Variants in RNF123 observed in about 807,000 individuals in gnomAD.
RNF123 encodes E3 ubiquitin-protein ligase RNF123.
A neutral mutation model predicts 168.5 loss-of-function variants in RNF123; 86 were observed. The observed-to-expected ratio is 0.51, with a 90% CI of 0.43 to 0.61. The LOEUF is 0.61. RNF123 is among the 20% of genes least tolerant of loss of function. The pLI is 0.00. For missense variants in RNF123, 1,419 were observed against 1,729.7 expected (o/e 0.82, Z 3.19); for synonymous variants, 666 against 689.1 (o/e 0.97, Z 0.52).
chr3:49,697,522 T>A, intron 5 of RNF123, 65 bp downstream of exon 5: 1 of 1,298,852 alleles, frequency 7.7e-7, no homozygotes, highest in Non-Finnish European at 1.1e-6. Context: ...AGGCTCCTCC[T>A]GATGTGGCCC....
chr3:49,693,641 G>A (rs1011684187), intron 3 of RNF123, among the ~76,000 whole-genome samples: 1 of 152,122 alleles, frequency 6.6e-6, no homozygotes, highest in African/African-American at 2.4e-5. Flanking sequence ...ACAGGCATGA[G>A]CCACCGCACC....
intron 21 of RNF123, among the ~76,000 whole-genome samples, chr3:49,704,298 G>A (rs1485056482): frequency 6.6e-6 from 1 of 152,182 alleles, no homozygotes; most frequent in South Asian, 2.1e-4. Context: ...GTCAGAGAGT[G>A]GGGGAGGCCC....
chr3:49,696,944 C>G (rs78115322), intron 3 of RNF123, 199 bp from the exon 4 acceptor site: 1 of 569,136 alleles, frequency 1.8e-6, no homozygotes, highest in Non-Finnish European at 3.3e-6. Flanking sequence ...CCACACCCGG[C>G]CTGGACTGGT....
In RNF123 at chr3:49,706,780, T is replaced by C. The variant is rs753684913; in HGVS notation, c.2389-11T>C. The C allele has an allele frequency of 3.7e-6, 6 of 1,612,108 alleles. No individual in the cohort carries two copies. In the South Asian group the frequency reaches 6.6e-5, roughly 18 times the overall value. On this transcript the variant is annotated splice_polypyrimidine_tract_variant and intron_variant, in intron 25 of 38. Coordinates refer to ENST00000327697, the MANE Select transcript of RNF123 (RefSeq NM_022064.5). ...ATGTCTTGATTGTCCTCCTTTCCCC[T>C]TGGGTGGCAGAGGAAGGACATCCTT...
In RNF123 at chr3:49,713,917, G is replaced by A. The variant is rs368723431; in HGVS notation, c.2845G>A (p.Ala949Thr). Residue 949 changes from alanine (A) to threonine (T), a missense_variant, in exon 30 of 39, where the codon GCC (alanine) becomes ACC (threonine). Physicochemically the swap from Ala to Thr is moderately conservative, Grantham distance 58. Around this residue, in one of 5 missense-constraint regions of RNF123, gnomAD observed 538 missense variants for 708.8 expected, o/e 0.76. Coordinates refer to ENST00000327697, the MANE Select transcript of RNF123 (RefSeq NM_022064.5). ...CCCTCCTTGCCCTCACAGGCGTATC[G>A]CCATGGTGAGGAACCTCCTGGCGCC... ...VERIPEEQRI[A>T]MVRNLLAPYE... 1.9e-5 allele frequency: 30 copies of A among 1,613,772 alleles called. 1 individual carries two copies. The East Asian group carries it at 2.7e-4, about 14-fold the overall frequency.
intron 35 of RNF123, chr3:49,717,327 G>T (rs2080268080): frequency 6.3e-6 from 1 of 158,022 alleles, no homozygotes; most frequent in African/African-American, 2.4e-5. Context: ...TCTGCGTGAA[G>T]TTGTGAAGCT....
intron 26 of RNF123, among the ~76,000 whole-genome samples, chr3:49,710,204 C>G (rs1559683021): frequency 6.6e-6 from 1 of 152,082 alleles, no homozygotes; most frequent in Non-Finnish European, 1.5e-5. Context: ...CTGCATTTTG[C>G]TAATGATTAG....
intron 24 of RNF123, 106 bp from the exon 25 acceptor site, chr3:49,705,876 G>A: frequency 6.8e-7 from 1 of 1,466,928 alleles, no homozygotes; most frequent in Non-Finnish European, 9.5e-7. Context: ...GACCGCCCTG[G>A]GCCTAAGGTT....
At chr3:49,714,040 G>A in intron 30 of RNF123, 43 bp downstream of exon 30, 1 of 1,613,800 alleles carries the variant, frequency 6.2e-7, no homozygotes, top group Non-Finnish European at 8.5e-7. Flanking sequence ...TGGCTGGAGG[G>A]AGAGGGTGCG....
At chr3:49,705,491 CG>C (rs759005987) in intron 23 of RNF123, 42 bp from the exon 24 acceptor site, 1 of 1,538,390 alleles carries the variant, frequency 6.5e-7, no homozygotes, top group South Asian at 1.3e-5. Context: ...TCAGGAGAGC[CG>C]GGATGGCCCT....
In RNF123 at chr3:49,699,713, G is replaced by C. The variant is rs2054339026; in HGVS notation, c.925G>C (p.Gly309Arg). Residue 309 changes from glycine (G) to arginine (R), a missense_variant, in exon 12 of 39, where the codon GGC becomes CGC. Gly to Arg is a moderately radical substitution (Grantham distance 125, BLOSUM62 -2). This residue lies in a region of RNF123 where 318 missense variants were observed against 446.6 expected (regional missense o/e 0.71). Coordinates refer to ENST00000327697, the MANE Select transcript of RNF123 (RefSeq NM_022064.5). This position sits in a 1 kb window ranked among gnomAD's most constrained non-coding sequence, Gnocchi z 4.8. ...DKESSKWRLR[G>R]QPTVLLTLAH... Reference sequence around the variant, plus strand: ...GGAGAGCTCCAAGTGGCGGTTGCGGGGCCAGCCCACCGTCCTCCTCACACT... The same window carrying C: ...GGAGAGCTCCAAGTGGCGGTTGCGGCGCCAGCCCACCGTCCTCCTCACACT... 3 of 1,613,708 alleles carry C rather than the reference G, an allele frequency of 1.9e-6. No homozygotes were observed. The highest frequency in any genetic ancestry group is 2.5e-6 in the Non-Finnish European group (3 of 1,179,998).
intron 36 of RNF123, 24 bp downstream of exon 36, chr3:49,720,677 C>A: frequency 6.3e-7 from 1 of 1,595,162 alleles, no homozygotes; most frequent in South Asian, 1.1e-5. Flanking sequence ...TGGGGCAGGT[C>A]AGGGAAATCT....
At position 49,698,740 on chromosome 3, in the gene RNF123, C is replaced by G; in HGVS notation, c.571-15C>G. 1 of 1,612,580 alleles carries G rather than the reference C, an allele frequency of 6.2e-7. No homozygotes were observed. The highest frequency in any genetic ancestry group is 8.5e-7 in the Non-Finnish European group (1 of 1,179,370). On this transcript the variant is annotated splice_polypyrimidine_tract_variant and intron_variant, in intron 8 of 38. Transcript: ENST00000327697. ...TGGGCTTCTGTGCATCTGGTGAGGC[C>G]TCCTCTCATGGCAGGCGTGGGCAGC...
At chr3:49,705,831 G>C in intron 24 of RNF123, 151 bp from the exon 25 acceptor site, 2 of 1,436,172 alleles carry the variant, frequency 1.4e-6, no homozygotes, top group East Asian at 4.7e-5. Context: ...TGCTCCTGCT[G>C]CCTCAGTCTG....
chr3:49,703,271 C>T (rs575682731), intron 20 of RNF123, among the ~76,000 whole-genome samples, 156 bp from the exon 21 acceptor site: 117 of 152,194 alleles, frequency 7.7e-4, no homozygotes, highest in African/African-American at 2.7e-3. Context: ...AGGTCTGTTT[C>T]TTGGTCCAGG....
chr3:49,718,922 C>G (rs772901832), intron 35 of RNF123: 7 of 1,613,542 alleles, frequency 4.3e-6, no homozygotes, highest in Non-Finnish European at 4.2e-6. Context: ...AGGTGGGTGG[C>G]GCTCAGACCG....
chr3:49,699,939 A>G lies in RNF123; in HGVS notation c.984+167A>G. On this transcript the variant is annotated intron_variant, in intron 12 of 38. Coordinates refer to ENST00000327697, the MANE Select transcript of RNF123 (RefSeq NM_022064.5). This position sits in a 1 kb window ranked among gnomAD's most constrained non-coding sequence, Gnocchi z 4.8. Reference sequence around the variant, plus strand: ...CAGACCTCAGTCAGTCCCCTAGGGAAACAGGGACATTGCCAACCAAGGGCA... The same window carrying G: ...CAGACCTCAGTCAGTCCCCTAGGGAGACAGGGACATTGCCAACCAAGGGCA... 2.8e-6 allele frequency: 2 copies of G among 723,200 alleles called. No individual in the cohort carries two copies. The highest frequency in any genetic ancestry group is 1.7e-5 in the South Asian group (1 of 57,168). The allele number at this position is 723,200 out of a possible 1,614,324, so 44.8% of individuals were successfully genotyped here. A position where few individuals can be genotyped will look rare whatever the true frequency, so the allele number is the denominator to read the frequency against.
chr3:49,715,449 C>G (rs1296718986), intron 31 of RNF123, 126 bp from the exon 32 acceptor site: 17 of 1,168,840 alleles, frequency 1.5e-5, no homozygotes, highest in Non-Finnish European at 2.0e-5. Flanking sequence ...CTTTCATGAC[C>G]TGAGCATTCC....
rs766712085 is a variant in RNF123, at chr3:49,703,475, T to C, written c.1799T>C (p.Phe600Ser). The change falls in exon 21 of 39, where the codon TTT (phenylalanine) becomes TCT (serine). Residue 600 changes from phenylalanine (F) to serine (S), a missense_variant. Around this residue, in one of 5 missense-constraint regions of RNF123, gnomAD observed 349 missense variants for 344.9 expected, o/e 1.01. Coordinates refer to ENST00000327697, the MANE Select transcript of RNF123 (RefSeq NM_022064.5). ...TTCTATAATGGCAAGGTGGACTACT[T>C]TGACCTGCAGCGCCTGGGGGGCCTC... ...QVFYNGKVDY[F>S]DLQRLGGLLS... 6.2e-7 allele frequency: 1 copy of C among 1,613,980 alleles called. No homozygotes were observed. The highest frequency in any genetic ancestry group is 1.1e-5 in the South Asian group (1 of 91,070).
Sources: allele counts gnomAD v4.1 joint callset (sites outside exome capture counted in the v4.1 genomes callset), GRCh38; gene constraint gnomAD v4.1.1; regional missense constraint gnomAD v4.1.1; non-coding constraint Gnocchi (gnomAD v3.1); transcripts MANE v1.5; gene names NCBI Gene and HGNC (gene_info 2026-07-23, HGNC 2026-07-21).